Variants in POMT2 observed in about 807,000 individuals in gnomAD.
POMT2 encodes the protein protein O-mannosyl-transferase 2.
A neutral mutation model predicts 100.0 loss-of-function variants in POMT2; 75 were observed. The ratio of observed to expected loss-of-function variants is 0.75; its 90% CI spans 0.62 to 0.91. The LOEUF is 0.91. Among genes scored for constraint, POMT2 ranks in the 40% least tolerant of loss-of-function variants. The probability of loss-of-function intolerance (pLI) is 0.00; values close to 1 mark genes in which losing one functional copy is unlikely to be tolerated. For missense variants in POMT2, 940 were observed against 955.1 expected, an observed-to-expected ratio of 0.98 and a Z score of 0.21; for synonymous variants, 378 against 374.1, an observed-to-expected ratio of 1.01 and a Z score of -0.12.
chr14:77,284,170 C>T, intron 14 of POMT2: 1 of 419,292 alleles, frequency 2.4e-6, no homozygotes, highest in Non-Finnish European at 4.5e-6. Flanking sequence ...TGCTGCTCTC[C>T]TATTAGGCAT....
intron 11 of POMT2, among the ~76,000 whole-genome samples, chr14:77,288,560 G>T (rs1395373988): frequency 3.3e-5 from 5 of 152,166 alleles, no homozygotes; most frequent in Admixed American, 2.6e-4. Context: ...TAGGAAATGG[G>T]AAATTGAAAG....
intron 1 of POMT2, among the ~76,000 whole-genome samples, chr14:77,318,717 C>T (rs1008106244): frequency 1.3e-5 from 2 of 150,680 alleles, no homozygotes; most frequent in South Asian, 4.2e-4. Context: ...AATATCTTTC[C>T]ATTAATCATG....
At chr14:77,318,477 A>G (rs1008576299) in intron 1 of POMT2, among the ~76,000 whole-genome samples, 3 of 152,200 alleles carry the variant, frequency 2.0e-5, no homozygotes, top group Non-Finnish European at 2.9e-5. Flanking sequence ...CCTTCTATCA[A>G]TGCGGCTGAT....
rs752712958 is a variant in POMT2, at chr14:77,320,694, C to G, written c.-13G>C. On this transcript the variant is annotated 5_prime_UTR_variant, in exon 1 of 21. Coordinates refer to ENST00000261534, the MANE Select transcript of POMT2 (RefSeq NM_013382.7). ...TGGCCGGCGGCATCTTCCCCCTCCTCTGGGTCGCCCTCCGGCCCGGAGGCA... is the reference window on the plus strand; with the variant it reads ...TGGCCGGCGGCATCTTCCCCCTCCTGTGGGTCGCCCTCCGGCCCGGAGGCA... The G allele has an allele frequency of 1.3e-6, 2 of 1,591,812 alleles. No individual in the cohort carries two copies. Among genetic ancestry groups the G allele is most frequent in the East Asian group, 4.5e-5 (2 of 44,550 alleles).
chr14:77,316,566 T>TAAAAAAAAAAAAAA, intron 1 of POMT2, among the ~76,000 whole-genome samples: 1 of 77,568 alleles, frequency 1.3e-5, no homozygotes. Context: ...ATCTCATCTC[T>TAAAAAAAAAAAAAA]AAAAAAAAAA....
chr14:77,286,958 A>C, intron 11 of POMT2, 136 bp from the exon 12 acceptor site: 3 of 1,508,234 alleles, frequency 2.0e-6, no homozygotes, highest in Non-Finnish European at 2.7e-6. Flanking sequence ...CCAACATATC[A>C]GGAACTGGTT....
chr14:77,308,506 C>T (rs1425043453), intron 2 of POMT2, among the ~76,000 whole-genome samples: 1 of 152,072 alleles, frequency 6.6e-6, no homozygotes, highest in Non-Finnish European at 1.5e-5. Flanking sequence ...CAGGCACCTG[C>T]CACCACGCCC....
rs147882035 is a variant in POMT2 at position 77,283,846 on chromosome 14, T to A, written c.1604A>T (p.Gln535Leu). Residue 535 changes from glutamine (Q) to leucine (L), a missense_variant, in exon 15 of 21, where the codon CAG becomes CTG. By Grantham distance (113) the Gln-to-Leu change is moderately radical. Coordinates refer to ENST00000261534, the MANE Select transcript of POMT2 (RefSeq NM_013382.7). ...CAGCAAGATCTCAGGAAAACTGGGC[T>A]GTAGCACATCCAGGCTGATGTTTGG... ...KLPNISLDVL[Q>L]PSFPEILLES... 13 of 1,613,238 alleles carry A rather than the reference T, an allele frequency of 8.1e-6. No homozygotes were observed. Among genetic ancestry groups the A allele is most frequent in the Non-Finnish European group, 1.1e-5 (13 of 1,179,152 alleles).
intron 20 of POMT2, among the ~76,000 whole-genome samples, chr14:77,278,106 C>T (rs1890043879): frequency 6.6e-6 from 1 of 152,224 alleles, no homozygotes; most frequent in Non-Finnish European, 1.5e-5. Context: ...CACAGAGTCA[C>T]TGTCACTAGA....
intron 11 of POMT2, chr14:77,287,036 T>C (rs1490164566): frequency 9.3e-6 from 9 of 964,554 alleles, no homozygotes; most frequent in Non-Finnish European, 1.3e-5. Context: ...GAGAGACAGA[T>C]GGTAGGAGCA....
At position 77,302,808 on chromosome 14, in the gene POMT2, TC is replaced by T. The variant is rs749804538; in HGVS notation, c.656+26del. Reference sequence around the variant, plus strand: ...TTGGAGTTGCCACAGCTTCCAACCCTCCCCTCCCGGGGATGGAGTTTCTGAC... The same window carrying T: ...TTGGAGTTGCCACAGCTTCCAACCCTCCCTCCCGGGGATGGAGTTTCTGAC... On this transcript the variant is annotated intron_variant, in intron 5 of 20. Transcript: ENST00000261534. The T allele has an allele frequency of 1.9e-6, 3 of 1,583,992 alleles. No individual in the cohort carries two copies. The East Asian group carries it at 6.7e-5, about 35-fold the overall frequency.
chr14:77,296,313 G>C (rs1239233179), intron 8 of POMT2, 40 bp from the exon 9 acceptor site: 1 of 1,430,642 alleles, frequency 7.0e-7, no homozygotes. Context: ...AGCTGGCACA[G>C]TGCCAGAGGC....
chr14:77,286,861 A>G, intron 11 of POMT2, 39 bp from the exon 12 acceptor site: 1 of 1,614,010 alleles, frequency 6.2e-7, no homozygotes, highest in Non-Finnish European at 8.5e-7. Flanking sequence ...ATCCTATAGA[A>G]AGATGATGTG....
At chr14:77,288,053 G>A (rs1376625641) in intron 11 of POMT2, among the ~76,000 whole-genome samples, 2 of 152,180 alleles carry the variant, frequency 1.3e-5, no homozygotes, top group Non-Finnish European at 2.9e-5. Flanking sequence ...ATATGGGGAA[G>A]GATAACTTAA....
At chr14:77,296,682 C>T (rs989026531) in intron 8 of POMT2, among the ~76,000 whole-genome samples, 6 of 152,140 alleles carry the variant, frequency 3.9e-5, no homozygotes, top group South Asian at 2.1e-4. Flanking sequence ...TATATCCTTT[C>T]GTGCCTTTTG....
rs548833575 is a variant in POMT2 at position 77,305,558 on chromosome 14, C to T, written c.439-758G>A. On this transcript the variant is annotated intron_variant, in intron 3 of 20. Transcript: ENST00000261534. ...GATATACTCCTTGTTTAATATACCA[C>T]GATATAGCCATGCAAATCATCTAAC... is the stretch of plus-strand genomic sequence containing the variant. Among the ~76,000 whole-genome samples, 16 of 152,288 alleles carry T rather than the reference C, an allele frequency of 1.1e-4. No homozygotes were observed. The East Asian group carries it at 2.3e-3, about 22-fold the overall frequency.
intron 5 of POMT2, among the ~76,000 whole-genome samples, chr14:77,302,048 C>T (rs1372937749): frequency 6.6e-6 from 1 of 152,148 alleles, no homozygotes; most frequent in Non-Finnish European, 1.5e-5. Context: ...GTGGCATAAG[C>T]ACAACAACCA....
chr14:77,280,808 AC>A (rs1325172298), intron 15 of POMT2, among the ~76,000 whole-genome samples: 5 of 152,240 alleles, frequency 3.3e-5, no homozygotes, highest in African/African-American at 1.2e-4. Flanking sequence ...AATGAGGCTT[AC>A]AGCCGGGTGC....
At chr14:77,288,960 C>T in intron 10 of POMT2, 129 bp from the exon 11 acceptor site, 2 of 794,430 alleles carry the variant, frequency 2.5e-6, no homozygotes, top group Non-Finnish European at 4.3e-6. Context: ...ACTCTGAGAC[C>T]AAAGAGGAAA....
Sources: allele counts gnomAD v4.1 joint callset (sites outside exome capture counted in the v4.1 genomes callset), GRCh38; gene constraint gnomAD v4.1.1; transcripts MANE v1.5; gene names NCBI Gene and HGNC (gene_info 2026-07-23, HGNC 2026-07-21).